The following ITGA4 variants were observed in gnomAD, a reference collection of about 807,000 sequenced individuals.
ITGA4 encodes the protein integrin alpha-4.
ITGA4 carries 63 observed loss-of-function variants against 133.6 expected under a neutral mutation model. The observed-to-expected ratio is 0.47, with a 90% CI of 0.38 to 0.58. The LOEUF is 0.58. Ranked by LOEUF, ITGA4 falls within the 20% of genes least tolerant of loss-of-function variation. The pLI is 0.00. For missense variants in ITGA4, 1,076 were observed against 1,252.7 expected, an observed-to-expected ratio of 0.86 and a Z score of 2.13; for synonymous variants, 483 against 438.0, an observed-to-expected ratio of 1.10 and a Z score of -1.28.
intron 10 of ITGA4, among the ~76,000 whole-genome samples, chr2:181,488,854 A>G (rs1410160085): frequency 5.3e-5 from 8 of 152,136 alleles, no homozygotes; most frequent in Admixed American, 2.6e-4. Context: ...CACTGCACCC[A>G]GCCCTCCAGT....
At position 181,531,581 on chromosome 2, in the gene ITGA4, A is replaced by T. The variant is rs539440879; in HGVS notation, c.2665-76A>T. 3.1e-5 allele frequency: 23 copies of T among 741,648 alleles called. 1 individual carries two copies. In the South Asian group the frequency reaches 6.5e-4, roughly 21 times the overall value. 45.9% of individuals were successfully genotyped at this position (741,648 alleles called of 1,614,324 possible). On this transcript the variant is annotated intron_variant, in intron 24 of 27. Coordinates refer to ENST00000397033, the MANE Select transcript of ITGA4 (RefSeq NM_000885.6). Reference sequence around the variant, plus strand: ...CAAAATGCCATTAGAGTATATATTAAATTCTATATAAAATATTTTAAAAAT... The same window carrying T: ...CAAAATGCCATTAGAGTATATATTATATTCTATATAAAATATTTTAAAAAT...
At chr2:181,509,168 A>C (rs1016526047) in intron 15 of ITGA4, among the ~76,000 whole-genome samples, 12 of 134,566 alleles carry the variant, frequency 8.9e-5, no homozygotes, top group African/African-American at 1.9e-4. Flanking sequence ...AAAAAAAAAA[A>C]AAAAAAAAAA....
chr2:181,523,220 A>G lies in ITGA4; in HGVS notation c.2074-217A>G, dbSNP rs556268165. 1.4e-5 allele frequency: 6 copies of G among 415,048 alleles called. No homozygotes were observed. Among genetic ancestry groups the G allele is most frequent in the Non-Finnish European group, 2.7e-5 (6 of 224,134 alleles). 25.7% of individuals were successfully genotyped at this position (415,048 alleles called of 1,614,324 possible). A position where few individuals can be genotyped will look rare whatever the true frequency, so the allele number is the denominator to read the frequency against. ...TATATACACACACATATATACACAC[A>G]TATATACATACATATATATACACAT... On this transcript the variant is annotated intron_variant, in intron 18 of 27. Coordinates refer to ENST00000397033, the MANE Select transcript of ITGA4 (RefSeq NM_000885.6). This position sits in a 1 kb window ranked among gnomAD's most constrained non-coding sequence, Gnocchi z 4.2.
intron 10 of ITGA4, among the ~76,000 whole-genome samples, chr2:181,490,693 C>G (rs1333174700): frequency 6.6e-6 from 1 of 152,130 alleles, no homozygotes; most frequent in Non-Finnish European, 1.5e-5. Flanking sequence ...CATCCTGGCT[C>G]TGTCACCTTG....
At chr2:181,528,926 T>G (rs1476727351) in intron 22 of ITGA4, among the ~76,000 whole-genome samples, 1 of 152,216 alleles carries the variant, frequency 6.6e-6, no homozygotes, top group Non-Finnish European at 1.5e-5. Context: ...GTTAAAAACC[T>G]TTTGTGCTTT....
upstream of ITGA4, chr2:181,457,287 T>C: frequency 5.3e-6 from 1 of 190,434 alleles, no homozygotes; most frequent in South Asian, 9.9e-5. Context: ...GCAGCCGAGG[T>C]TCCCCAGCGC....
chr2:181,463,992 C>T (rs1685351694), intron 2 of ITGA4, among the ~76,000 whole-genome samples: 1 of 152,078 alleles, frequency 6.6e-6, no homozygotes, highest in African/African-American at 2.4e-5. Context: ...CTACTAGAAT[C>T]TCTGGGGTAA....
In ITGA4 at chr2:181,475,284, T is replaced by C. The variant is rs1685648977; in HGVS notation, c.552T>C (p.Tyr184=). The C allele has an allele frequency of 1.2e-6, 2 of 1,611,974 alleles. No individual in the cohort carries two copies. The highest frequency in any genetic ancestry group is 1.7e-6 in the Non-Finnish European group (2 of 1,178,402). Residue 184 remains tyrosine (Y), a synonymous_variant, in exon 4 of 28, where the codon TAT becomes TAC. Transcript: ENST00000397033. ...TELSKRIAPC[Y]QDYVKKFGEN... is the part of the protein sequence containing the mutation. ...TGAGTAAAAGAATAGCTCCGTGTTA[T>C]CAAGGTAAGGCATGATTTTGATACG... is the stretch of plus-strand genomic sequence containing the variant.
intron 15 of ITGA4, among the ~76,000 whole-genome samples, chr2:181,506,919 GAGGAA>G (rs1331722401): frequency 6.6e-6 from 1 of 152,064 alleles, no homozygotes; most frequent in African/African-American, 2.4e-5. Flanking sequence ...GGTCTACCTT[GAGGAA>G]CTCATCTAGC....
intron 15 of ITGA4, among the ~76,000 whole-genome samples, chr2:181,506,416 A>G (rs4667313): frequency 0.97 from 147,887 of 152,062 alleles, 72,049 homozygotes; most frequent in Middle Eastern, 1. Flanking sequence ...TTTTCAGATA[A>G]CATAACTAAG....
In ITGA4 at chr2:181,536,333, A is replaced by C. The variant is rs1199593536; in HGVS notation, c.*806A>C. 6.6e-6 allele frequency: 1 copy of C among 152,054 alleles called. No individual in the cohort carries two copies. Among genetic ancestry groups the C allele is most frequent in the Admixed American group, 6.6e-5 (1 of 15,246 alleles). The allele number at this position is 152,054 out of a possible 1,614,324, so 9.4% of individuals were successfully genotyped here. On this transcript the variant is annotated 3_prime_UTR_variant, in exon 28 of 28. Coordinates refer to ENST00000397033, the MANE Select transcript of ITGA4 (RefSeq NM_000885.6). Reference sequence around the variant, plus strand: ...AAGCATACCCAGGAGTAATCTTCAAATCTTTTGTTATATTCTGAAACAAAA... The same window carrying C: ...AAGCATACCCAGGAGTAATCTTCAACTCTTTTGTTATATTCTGAAACAAAA...
At chr2:181,468,275 AG>A (rs1685468555) in intron 2 of ITGA4, among the ~76,000 whole-genome samples, 1 of 152,208 alleles carries the variant, frequency 6.6e-6, no homozygotes, top group Admixed American at 6.5e-5. Context: ...TTAAAATTGA[AG>A]AAAATAATAT....
chr2:181,525,940 T>A (rs1340447237), intron 21 of ITGA4, among the ~76,000 whole-genome samples: 1 of 152,232 alleles, frequency 6.6e-6, no homozygotes, highest in Admixed American at 6.5e-5. Context: ...ATTCATGGTG[T>A]TAGTCCTTAA....
In ITGA4 at chr2:181,498,678, A is replaced by G; in HGVS notation, c.1596A>G (p.Arg532=). Residue 532 remains arginine (R), a synonymous_variant, in exon 15 of 28, where the codon AGA becomes AGG. Transcript: ENST00000397033. The part of the protein sequence containing the change: ...DVNRKAESPP[R]FYFSSNGTSD... ...ACAGAAAGGCAGAGTCTCCACCAAG[A>G]TTCTATTTCTCTTCTAATGGAACTT... 1.2e-6 allele frequency: 2 copies of G among 1,612,466 alleles called. No individual in the cohort carries two copies. The highest frequency in any genetic ancestry group is 1.7e-6 in the Non-Finnish European group (2 of 1,178,822).
chr2:181,537,683 ATATTGATGTATTAT>A lies in ITGA4; in HGVS notation c.*2157_*2170del, dbSNP rs1375929054. ...ATTATTTCAGAATTATCTAGGTTAA[ATATTGATGTATTAT>A]GATGGTTGCAAAGTTTTTTTGTGTG... On this transcript the variant is annotated 3_prime_UTR_variant, in exon 28 of 28. Transcript: ENST00000397033. 9.2e-6 allele frequency: 4 copies of A among 432,758 alleles called. No homozygotes were observed. The highest frequency in any genetic ancestry group is 1.8e-5 in the Non-Finnish European group (4 of 218,858). The allele number at this position is 432,758 out of a possible 1,614,324, so 26.8% of individuals were successfully genotyped here. A position where few individuals can be genotyped will look rare whatever the true frequency, so the allele number is the denominator to read the frequency against.
At chr2:181,475,365 G>C (rs1437109662) in intron 4 of ITGA4, 77 bp downstream of exon 4, 3 of 1,182,196 alleles carry the variant, frequency 2.5e-6, no homozygotes, top group Non-Finnish European at 3.7e-6. Context: ...TTATGTTCAA[G>C]TTTAGATGTT....
chr2:181,463,433 T>C (rs1362626571), intron 2 of ITGA4, among the ~76,000 whole-genome samples: 1 of 152,150 alleles, frequency 6.6e-6, no homozygotes, highest in Non-Finnish European at 1.5e-5. Flanking sequence ...GATTTTGTTA[T>C]AATTTAGACT....
At chr2:181,470,870 ATC>A (rs1366711479) in intron 2 of ITGA4, among the ~76,000 whole-genome samples, 5 of 152,116 alleles carry the variant, frequency 3.3e-5, no homozygotes, top group Admixed American at 6.5e-5. Flanking sequence ...GTGAGATCCT[ATC>A]TCCCTAAAAA....
In ITGA4 at chr2:181,475,074, T is replaced by C. The variant is rs201805626; in HGVS notation, c.426+8T>C. ...GAAAATGGATCCATCGTGGTAGGTATTGGAACTGGTCCACAGATCCATCGT... is the reference window on the plus strand; with the variant it reads ...GAAAATGGATCCATCGTGGTAGGTACTGGAACTGGTCCACAGATCCATCGT... On this transcript the variant is annotated splice_region_variant and intron_variant, in intron 3 of 27. Coordinates refer to ENST00000397033, the MANE Select transcript of ITGA4 (RefSeq NM_000885.6). 5.6e-6 allele frequency: 9 copies of C among 1,612,788 alleles called. No individual in the cohort carries two copies. Among genetic ancestry groups the C allele is most frequent in the Non-Finnish European group, 7.6e-6 (9 of 1,178,826 alleles).
Sources: allele counts gnomAD v4.1 joint callset (sites outside exome capture counted in the v4.1 genomes callset), GRCh38; gene constraint gnomAD v4.1.1; non-coding constraint Gnocchi (gnomAD v3.1); transcripts MANE v1.5; gene names NCBI Gene and HGNC (gene_info 2026-07-23, HGNC 2026-07-21).